The following PPP1R42 variants were observed in gnomAD, a reference collection of about 807,000 sequenced individuals.
The protein encoded by PPP1R42 is protein phosphatase 1 regulatory subunit 42, also known as leucine rich repeat containing 67.
PPP1R42 carries 34 observed loss-of-function variants against 31.0 expected under a neutral mutation model. The ratio of observed to expected loss-of-function variants is 1.10; its 90% CI spans 0.83 to 1.46. PPP1R42 has a LOEUF of 1.46. Ranked by LOEUF, PPP1R42 falls within the 40% of genes most tolerant of loss-of-function variation. PPP1R42 has a pLI of 0.00. For synonymous variants in PPP1R42, 103 were observed against 109.8 expected, an observed-to-expected ratio of 0.94 and a Z score of 0.39; for missense variants, 268 against 303.0, an observed-to-expected ratio of 0.88 and a Z score of 0.86.
chr8:66,988,613 C>A, intron 5 of PPP1R42, 96 bp from the exon 6 acceptor site: 1 of 1,139,010 alleles, frequency 8.8e-7, no homozygotes, highest in South Asian at 1.7e-5. Context: ...TTACTGCTTT[C>A]ATGGAGTTCT....
chr8:67,010,503 GGGATACA>G (rs1815810167), intron 5 of PPP1R42: 1 of 450,612 alleles, frequency 2.2e-6, no homozygotes, highest in African/African-American at 2.1e-5. Context: ...CTGTTGGTGA[GGGATACA>G]GGTATTGGAG....
At chr8:67,008,800 T>C (rs1815761681) in intron 5 of PPP1R42, among the ~76,000 whole-genome samples, 4 of 152,052 alleles carry the variant, frequency 2.6e-5, no homozygotes, top group Admixed American at 2.0e-4. Context: ...TTTATTCTGG[T>C]TATGCATTAT....
chr8:66,987,204 G>A (rs879709442), intron 6 of PPP1R42, among the ~76,000 whole-genome samples: 20 of 150,470 alleles, frequency 1.3e-4, no homozygotes, highest in African/African-American at 4.4e-4. Context: ...TCTTCCTCAT[G>A]TTAATGTCCC....
rs904783020 is a variant in PPP1R42, at chr8:67,021,596, T to G, written c.-84-3765A>C. Among the ~76,000 whole-genome samples, 5 of 152,176 alleles carry G rather than the reference T, an allele frequency of 3.3e-5. No homozygotes were observed. In the South Asian group the frequency reaches 1.0e-3, roughly 31 times the overall value. ...TCATGATAAAAGTATAAGAATAGTATAACACCTATGGACCCACAGGTCAGC... is the reference window on the plus strand; with the variant it reads ...TCATGATAAAAGTATAAGAATAGTAGAACACCTATGGACCCACAGGTCAGC... On this transcript the variant is annotated intron_variant, in intron 1 of 7. Transcript: ENST00000685739.
chr8:66,987,912 G>C (rs917983678), intron 6 of PPP1R42, among the ~76,000 whole-genome samples: 1 of 152,154 alleles, frequency 6.6e-6, no homozygotes, highest in Non-Finnish European at 1.5e-5. Flanking sequence ...GCACATTCAG[G>C]AATGTTATTT....
intron 5 of PPP1R42, among the ~76,000 whole-genome samples, chr8:67,009,187 T>A (rs1396366788): frequency 6.6e-6 from 1 of 152,024 alleles, no homozygotes; most frequent in Non-Finnish European, 1.5e-5. Context: ...GGAGAATGGC[T>A]TGAACCTGGG....
chr8:66,985,252 C>A, intron 6 of PPP1R42: 1 of 1,075,560 alleles, frequency 9.3e-7, no homozygotes, highest in South Asian at 1.3e-5. Flanking sequence ...TTTAAAAGTG[C>A]GTTTCTGGCG....
chr8:67,010,706 T>G lies in PPP1R42; in HGVS notation c.552+9A>C. 5.2e-6 allele frequency: 8 copies of G among 1,531,454 alleles called. No homozygotes were observed. The highest frequency in any genetic ancestry group is 7.2e-6 in the Non-Finnish European group (8 of 1,115,770). 94.9% of individuals were successfully genotyped at this position (1,531,454 alleles called of 1,614,324 possible). ...AAATATCTTAAAAATTAATTTCTCT[T>G]TACACTACCTTCACATGCAGAAGTT... On this transcript the variant is annotated intron_variant, in intron 5 of 7. Transcript: ENST00000685739.
chr8:66,974,840 C>T (rs909961888), intron 7 of PPP1R42, among the ~76,000 whole-genome samples: 3 of 152,140 alleles, frequency 2.0e-5, no homozygotes, highest in Non-Finnish European at 4.4e-5. Flanking sequence ...TGTTCCATTT[C>T]TCTATATGCC....
At chr8:66,981,733 C>G (rs1367561940) in intron 7 of PPP1R42, among the ~76,000 whole-genome samples, 1 of 152,182 alleles carries the variant, frequency 6.6e-6, no homozygotes, top group Non-Finnish European at 1.5e-5. Flanking sequence ...TCACAATTTA[C>G]ATAGCTGATA....
In PPP1R42 at chr8:67,024,100, C is replaced by T. The variant is rs569278653; in HGVS notation, c.-85+4391G>A. ...GGAGGAGGTTGCAGTGAGCTGAGAT[C>T]GTGCCACTGCACTCCAGCCTGGCGA... On this transcript the variant is annotated intron_variant, in intron 1 of 7. Coordinates refer to ENST00000685739, the MANE Select transcript of PPP1R42 (RefSeq NM_001364910.1). Among the ~76,000 whole-genome samples the T allele has an allele frequency of 6.3e-4, 95 of 151,686 alleles. 1 individual carries two copies. The East Asian group carries it at 0.017, about 27-fold the overall frequency.
chr8:67,015,276 C>T (rs946551399), intron 2 of PPP1R42, among the ~76,000 whole-genome samples: 7 of 152,124 alleles, frequency 4.6e-5, no homozygotes, highest in Admixed American at 3.3e-4. Flanking sequence ...CTGGGCCTCC[C>T]AAAGTGCTGG....
intron 7 of PPP1R42, among the ~76,000 whole-genome samples, chr8:66,973,373 G>A (rs983978702): frequency 2.6e-5 from 4 of 151,286 alleles, no homozygotes; most frequent in African/African-American, 9.7e-5. Flanking sequence ...GTGCCATCTC[G>A]GCTCACTGCA....
chr8:67,015,577 T>C (rs1029568483), intron 2 of PPP1R42, among the ~76,000 whole-genome samples: 2 of 151,636 alleles, frequency 1.3e-5, no homozygotes, highest in Non-Finnish European at 2.9e-5. Flanking sequence ...ATGTATATTA[T>C]ATGAAAAAGA....
At chr8:67,017,523 G>T in intron 2 of PPP1R42, 96 bp downstream of exon 2, 13 of 624,566 alleles carry the variant, frequency 2.1e-5, no homozygotes, top group East Asian at 3.6e-5. Context: ...TAAGAATAAT[G>T]AAAATATAGT....
chr8:67,015,303 C>T (rs1815981418), intron 2 of PPP1R42, among the ~76,000 whole-genome samples: 1 of 152,164 alleles, frequency 6.6e-6, no homozygotes, highest in African/African-American at 2.4e-5. Flanking sequence ...AGGTGTGAGC[C>T]ACCGCGCCCA....
intron 7 of PPP1R42, chr8:66,970,936 C>T: frequency 1.5e-6 from 2 of 1,364,306 alleles, no homozygotes; most frequent in South Asian, 2.5e-5. Flanking sequence ...GATGTCTCCT[C>T]CCCACCAAAA....
chr8:67,023,260 G>C (rs566990492), intron 1 of PPP1R42, among the ~76,000 whole-genome samples: 1 of 151,962 alleles, frequency 6.6e-6, no homozygotes, highest in Non-Finnish European at 1.5e-5. Context: ...ACAAGCCTGC[G>C]CCAGCATGCC....
rs761712400 is a variant in PPP1R42 at position 67,017,706 on chromosome 8, A to G, written c.42T>C (p.Asn14=). ...TGGTTTCTTCTTTTCGGGGTTTAAG[A>G]TTGCTGTTTCTGGCAATTAGATCCA... The part of the protein sequence containing the change: ...LTLDLIARNS[N]LKPRKEETIS... Residue 14 remains asparagine, a synonymous_variant, in exon 2 of 8, where the codon AAT becomes AAC. Transcript: ENST00000685739. 6.2e-7 allele frequency: 1 copy of G among 1,600,340 alleles called. No individual in the cohort carries two copies. The highest frequency in any genetic ancestry group is 8.5e-7 in the Non-Finnish European group (1 of 1,173,850).
Sources: allele counts gnomAD v4.1 joint callset (sites outside exome capture counted in the v4.1 genomes callset), GRCh38; gene constraint gnomAD v4.1.1; transcripts MANE v1.5; gene names NCBI Gene and HGNC (gene_info 2026-07-23, HGNC 2026-07-21).